RYR2: variants seen among roughly 807,000 people sequenced by gnomAD.
RYR2 encodes the protein ryanodine receptor 2.
Under a neutral mutation model 601.1 loss-of-function variants are expected in RYR2, and 227 were observed. That is an observed-to-expected ratio of 0.38 (90% confidence interval 0.34 to 0.42). The LOEUF (loss-of-function observed/expected upper bound fraction) is 0.42. Ranked by LOEUF, RYR2 falls within the 10% of genes least tolerant of loss-of-function variation. The probability of loss-of-function intolerance (pLI) is 1.00; values close to 1 mark genes in which losing one functional copy is unlikely to be tolerated. For missense variants in RYR2, 4,646 were observed against 6,156.5 expected, an observed-to-expected ratio of 0.75 and a Z score of 8.21; for synonymous variants, 2,223 against 2,175.1, an observed-to-expected ratio of 1.02 and a Z score of -0.61.
chr1:237,218,683 A>G (rs1157608061), intron 1 of RYR2, among the ~76,000 whole-genome samples: 19 of 152,140 alleles, frequency 1.2e-4, no homozygotes, highest in Admixed American at 1.2e-3. Context: ...GGGGGACTAC[A>G]TTATTTGTAC....
intron 24 of RYR2, among the ~76,000 whole-genome samples, chr1:237,526,771 G>C (rs1162326885): frequency 1.3e-5 from 2 of 152,092 alleles, no homozygotes; most frequent in African/African-American, 4.8e-5. Context: ...CCATTCTGTA[G>C]GTTGTCTATT....
At chr1:237,680,392 CAGCTCCCA>C in intron 61 of RYR2, 56 bp from the exon 62 acceptor site, 1 of 1,446,418 alleles carries the variant, frequency 6.9e-7, no homozygotes. Context: ...TCCAAAGCCT[CAGCTCCCA>C]TTCATCCCCT....
chr1:237,715,609 CA>C lies in RYR2; in HGVS notation c.10324-1587del, dbSNP rs1372641935. 1.4e-4 allele frequency among the ~76,000 whole-genome samples: 22 copies of C among 152,182 alleles called. 1 individual carries two copies. Among genetic ancestry groups the C allele is most frequent in the Middle Eastern group, 6.8e-3 (2 of 294 alleles). ...CAGATATAAGCTCCTTCTGCCTATA[CA>C]ACCATAAAACCAAAAGAACTTTACA... On this transcript the variant is annotated intron_variant, in intron 71 of 104. Coordinates refer to ENST00000366574, the MANE Select transcript of RYR2 (RefSeq NM_001035.3).
At chr1:237,486,464 A>G (rs1662694818) in intron 17 of RYR2, among the ~76,000 whole-genome samples, 1 of 152,140 alleles carries the variant, frequency 6.6e-6, no homozygotes, top group African/African-American at 2.4e-5. Context: ...GCTTTTGTTT[A>G]TGCTTATTCC....
Position 237,728,783 on chromosome 1 carries a change from G to A in RYR2, c.10839-1477G>A, listed in dbSNP as rs550063845. ...GGAACATCACACACTGGGGCCTGTC[G>A]GGGGGTGGGGGCAATGGGAGGGAGA... is the stretch of plus-strand genomic sequence containing the variant. On this transcript the variant is annotated intron_variant, in intron 76 of 104. Transcript: ENST00000366574. Among the ~76,000 whole-genome samples, 7 of 151,720 alleles carry A rather than the reference G, an allele frequency of 4.6e-5. No individual in the cohort carries two copies. In the East Asian group the frequency reaches 1.2e-3, roughly 25 times the overall value.
At chr1:237,225,151 C>T (rs1684224814) in intron 1 of RYR2, among the ~76,000 whole-genome samples, 1 of 152,070 alleles carries the variant, frequency 6.6e-6, no homozygotes, top group African/African-American at 2.4e-5. Flanking sequence ...TGAACAACAT[C>T]CATTTTCTTA....
At position 237,045,868 on chromosome 1, in the gene RYR2, GGTTTT is replaced by G. The variant is rs1660521453; in HGVS notation, c.48+3300_48+3304del. On this transcript the variant is annotated intron_variant, in intron 1 of 104. Coordinates refer to ENST00000366574, the MANE Select transcript of RYR2 (RefSeq NM_001035.3). The stretch of plus-strand genomic sequence containing the variant: ...CATGGTATAAAATGACCTTGGTCAA[GGTTTT>G]TTTTTTTTTTTTTTTTTTTTTTGAG... Among the ~76,000 whole-genome samples, 3 of 103,590 alleles carry G rather than the reference GGTTTT, an allele frequency of 2.9e-5. No individual in the cohort carries two copies. In the South Asian group the frequency reaches 1.1e-3, roughly 38 times the overall value. 68.0% of individuals were successfully genotyped at this position (103,590 alleles called of 152,430 possible). A position where few individuals can be genotyped will look rare whatever the true frequency, so the allele number is the denominator to read the frequency against.
At chr1:237,130,998 C>T (rs1672109938) in intron 1 of RYR2, among the ~76,000 whole-genome samples, 1 of 152,082 alleles carries the variant, frequency 6.6e-6, no homozygotes, top group South Asian at 2.1e-4. Context: ...TCTCCTGTCT[C>T]CACTCTGAGC....
intron 1 of RYR2, among the ~76,000 whole-genome samples, chr1:237,267,243 G>A (rs1480769891): frequency 2.0e-5 from 3 of 152,200 alleles, no homozygotes; most frequent in Non-Finnish European, 4.4e-5. Context: ...ATCTGGCTGG[G>A]CGCAGTGGCC....
intron 1 of RYR2, among the ~76,000 whole-genome samples, chr1:237,086,382 C>T (rs1666333848): frequency 6.6e-6 from 1 of 152,108 alleles, no homozygotes; most frequent in South Asian, 2.1e-4. Flanking sequence ...AACTCAGTCA[C>T]CTCTTTAAAG....
chr1:237,082,993 C>T (rs1427307581), intron 1 of RYR2, among the ~76,000 whole-genome samples: 1 of 152,166 alleles, frequency 6.6e-6, no homozygotes, highest in Non-Finnish European at 1.5e-5. Flanking sequence ...CCCTTGCACA[C>T]TTTCTTCTTT....
chr1:237,775,075 CAAAAAAAAAAA>C (rs5781992), intron 87 of RYR2, among the ~76,000 whole-genome samples: 1 of 90,448 alleles, frequency 1.1e-5, no homozygotes, highest in Non-Finnish European at 2.3e-5. Context: ...CAATAAGAAC[CAAAAAAAAAAA>C]AAAAAAAAAC....
chr1:237,515,391 T>C (rs12035214), intron 24 of RYR2, among the ~76,000 whole-genome samples: 36,835 of 152,186 alleles, frequency 0.24, 5,063 homozygotes, highest in South Asian at 0.39. Flanking sequence ...ACTACAATGA[T>C]ATTTTTCCTC....
rs981476631 is a variant in RYR2, at chr1:237,556,908, A to G, written c.3214+6217A>G. On this transcript the variant is annotated intron_variant, in intron 27 of 104. Coordinates refer to ENST00000366574, the MANE Select transcript of RYR2 (RefSeq NM_001035.3). ...AAAAAAAAAAAAAAAAAAAAAAAAA[A>G]ACCCTCTCAGTGGCTAAAAATAACA... Among the ~76,000 whole-genome samples, 21 of 122,930 alleles carry G rather than the reference A, an allele frequency of 1.7e-4. 1 individual carries two copies. Among genetic ancestry groups the G allele is most frequent in the Non-Finnish European group, 2.9e-4 (17 of 57,842 alleles). 80.6% of individuals were successfully genotyped at this position (122,930 alleles called of 152,430 possible). A position where few individuals can be genotyped will look rare whatever the true frequency, so the allele number is the denominator to read the frequency against.
intron 80 of RYR2, among the ~76,000 whole-genome samples, chr1:237,746,462 A>T (rs956060494): frequency 8.5e-5 from 13 of 152,154 alleles, no homozygotes; most frequent in Non-Finnish European, 1.3e-4. Context: ...TTCCATGAAG[A>T]ATGCAGTAAA....
At chr1:237,217,180 G>C (rs530038492) in intron 1 of RYR2, among the ~76,000 whole-genome samples, 2 of 152,192 alleles carry the variant, frequency 1.3e-5, no homozygotes, top group Non-Finnish European at 2.9e-5. Context: ...GGGTAGAGAA[G>C]TAGCCTCTGA....
chr1:237,728,942 A>G (rs1690440776), intron 76 of RYR2, among the ~76,000 whole-genome samples: 1 of 151,788 alleles, frequency 6.6e-6, no homozygotes, highest in South Asian at 2.1e-4. Flanking sequence ...CCAGAACTTA[A>G]AGTAATGAAA....
At position 237,115,637 on chromosome 1, in the gene RYR2, T is replaced by C. The variant is rs137967972; in HGVS notation, c.48+73068T>C. 5.4e-3 allele frequency among the ~76,000 whole-genome samples: 824 copies of C among 152,230 alleles called. 9 individuals are homozygous for C. The highest frequency in any genetic ancestry group is 0.018 in the South Asian group (86 of 4,824). ...CAAAGGTTCATTTTCACACAGACAA[T>C]GTGATGAAGCCCCAAACAGTGGAAG... is the stretch of plus-strand genomic sequence containing the variant. On this transcript the variant is annotated intron_variant, in intron 1 of 104. Transcript: ENST00000366574.
At chr1:237,241,400 A>G (rs542550733) in intron 1 of RYR2, among the ~76,000 whole-genome samples, 1 of 152,350 alleles carries the variant, frequency 6.6e-6, no homozygotes, top group South Asian at 2.1e-4. Flanking sequence ...AATGCTTCAT[A>G]TTAAATATTG....
Sources: gnomAD v4.1 joint callset for allele counts (sites outside exome capture counted in the v4.1 genomes callset) on GRCh38, gnomAD v4.1.1 for gene constraint, MANE v1.5 for transcripts, NCBI Gene and HGNC (gene_info 2026-07-23, HGNC 2026-07-21) for gene names.